Variants in METTL23 observed in about 807,000 individuals in gnomAD.
METTL23 encodes the protein methyltransferase 23, arginine.
A neutral mutation model predicts 21.2 loss-of-function variants in METTL23; 24 were observed. That is an observed-to-expected ratio of 1.13 (90% CI 0.82 to 1.59). METTL23 has a LOEUF of 1.59. Ranked by LOEUF, METTL23 falls within the 40% of genes most tolerant of loss-of-function variation. The probability of loss-of-function intolerance (pLI) is 0.00; values close to 1 mark genes in which losing one functional copy is unlikely to be tolerated. For missense variants in METTL23, 276 were observed against 221.4 expected, an observed-to-expected ratio of 1.25 and a Z score of -1.57; for synonymous variants, 97 against 75.2, an observed-to-expected ratio of 1.29 and a Z score of -1.50.
intron 2 of METTL23, among the ~76,000 whole-genome samples, chr17:76,730,236 C>T (rs1234051000): frequency 3.3e-5 from 5 of 150,506 alleles, no homozygotes; most frequent in Non-Finnish European, 7.4e-5. Flanking sequence ...TTACAGTGAG[C>T]AAAGATCGCA....
intron 2 of METTL23, 109 bp downstream of exon 2, chr17:76,729,903 T>A: frequency 2.5e-6 from 2 of 789,634 alleles, no homozygotes; most frequent in Non-Finnish European, 4.2e-6. Context: ...TTAAATCGGG[T>A]AATTTAGCTA....
At position 76,733,189 on chromosome 17, in the gene METTL23, C is replaced by G; in HGVS notation, c.296C>G (p.Ala99Gly). 6.2e-7 allele frequency: 1 copy of G among 1,613,898 alleles called. No individual in the cohort carries two copies. Among genetic ancestry groups the G allele is most frequent in the Non-Finnish European group, 8.5e-7 (1 of 1,179,820 alleles). The change falls in exon 3 of 5, where the codon GCA becomes GGA. Residue 99 changes from alanine to glycine, a missense_variant. By Grantham distance (60) the Ala-to-Gly change is moderately conservative. Transcript: ENST00000341249. ...LALPPQDIILASDVFFEPEDF... is the reference protein window; with the variant it reads ...LALPPQDIILGSDVFFEPEDF... ...CTACCACCACAAGATATTATCCTTG[C>G]ATCTGATGTGTTCTTTGAACCAGAA...
intron 1 of METTL23, among the ~76,000 whole-genome samples, chr17:76,728,416 T>TTTTTTTTTTTTTTTG (rs1568008567): frequency 3.9e-4 from 2 of 5,190 alleles, no homozygotes; most frequent in African/African-American, 7.0e-4. Context: ...TCACGGATTT[T>TTTTTTTTTTTTTTTG]TTTTTTTTTT....
chr17:76,733,506 C>CTTT lies in METTL23; in HGVS notation c.408-6_408-4dup. 8.0e-7 allele frequency: 1 copy of CTTT among 1,255,764 alleles called. No homozygotes were observed. The highest frequency in any genetic ancestry group is 1.1e-6 in the Non-Finnish European group (1 of 906,024). The allele number at this position is 1,255,764 out of a possible 1,614,324, so 77.8% of individuals were successfully genotyped here. A position where few individuals can be genotyped will look rare whatever the true frequency, so the allele number is the denominator to read the frequency against. The stretch of plus-strand genomic sequence containing the variant: ...AAAAGGCATGACTTTAAAAGAACAA[C>CTTT]TTTTTTTTTTTAAGTGCTGACTGGT... On this transcript the variant is annotated splice_polypyrimidine_tract_variant and intron_variant, in intron 4 of 4. Coordinates refer to ENST00000341249, the MANE Select transcript of METTL23 (RefSeq NM_001080510.5).
chr17:76,733,744 A>G lies in METTL23; in HGVS notation c.*58A>G. On this transcript the variant is annotated 3_prime_UTR_variant, in exon 5 of 5. Transcript: ENST00000341249. ...AATACTGATGAGCAACCTGGCACAC[A>G]AACTATGAGCAGACCACTTCAGCTT... 6.7e-7 allele frequency: 1 copy of G among 1,496,154 alleles called. No homozygotes were observed. The highest frequency in any genetic ancestry group is 9.1e-7 in the Non-Finnish European group (1 of 1,101,628). 92.7% of individuals were successfully genotyped at this position (1,496,154 alleles called of 1,614,324 possible). A position where few individuals can be genotyped will look rare whatever the true frequency, so the allele number is the denominator to read the frequency against.
chr17:76,732,731 C>T (rs1188544277), intron 2 of METTL23: 16 of 539,982 alleles, frequency 3.0e-5, no homozygotes, highest in South Asian at 8.8e-5. Flanking sequence ...CTGCCAGTTA[C>T]GATACATGGC....
At chr17:76,726,210 C>G, upstream of METTL23, 1 of 1,243,750 alleles carries the variant, frequency 8.0e-7, no homozygotes, top group South Asian at 1.7e-5. Context: ...TCGGGGACCC[C>G]AAACTCCGCG....
Position 76,727,039 on chromosome 17 carries a change from C to T in METTL23, c.-161C>T, listed in dbSNP as rs956519744. The T allele has an allele frequency of 4.4e-6, 2 of 454,982 alleles. No homozygotes were observed. Among genetic ancestry groups the T allele is most frequent in the Non-Finnish European group, 8.8e-6 (2 of 226,184 alleles). The allele number at this position is 454,982 out of a possible 1,614,324, so 28.2% of individuals were successfully genotyped here. On this transcript the variant is annotated 5_prime_UTR_variant, in exon 1 of 5. Coordinates refer to ENST00000341249, the MANE Select transcript of METTL23 (RefSeq NM_001080510.5). ...GCAGCCCGGAGCCTTCCGCGGTCCCCCGCCCGCCCGGGGCCCAACGACGCC... is the reference window on the plus strand; with the variant it reads ...GCAGCCCGGAGCCTTCCGCGGTCCCTCGCCCGCCCGGGGCCCAACGACGCC...
At position 76,733,206 on chromosome 17, in the gene METTL23, G is replaced by A; in HGVS notation, c.313G>A (p.Glu105Lys). The change falls in exon 3 of 5, where the codon GAA becomes AAA. Residue 105 changes from glutamate to lysine, a missense_variant. Glu to Lys is a moderately conservative substitution (Grantham distance 56). Transcript: ENST00000341249. ...DIILASDVFF[E>K]PEDFEDILAT... ...TATCCTTGCATCTGATGTGTTCTTTGAACCAGAAGGTAAGCTTTTTTGGCT... is the reference window on the plus strand; with the variant it reads ...TATCCTTGCATCTGATGTGTTCTTTAAACCAGAAGGTAAGCTTTTTTGGCT... The A allele has an allele frequency of 1.9e-6, 3 of 1,613,598 alleles. No individual in the cohort carries two copies. Among genetic ancestry groups the A allele is most frequent in the Non-Finnish European group, 2.5e-6 (3 of 1,179,650 alleles).
intron 1 of METTL23, chr17:76,727,463 G>C (rs879513658): frequency 9.5e-6 from 2 of 210,284 alleles, no homozygotes; most frequent in Non-Finnish European, 2.0e-5. Context: ...GCCTCCCAAA[G>C]TGCTAGGATT....
At chr17:76,730,900 G>A (rs924557354) in intron 2 of METTL23, among the ~76,000 whole-genome samples, 2 of 152,042 alleles carry the variant, frequency 1.3e-5, no homozygotes, top group Non-Finnish European at 1.5e-5. Context: ...TCAGGAGATC[G>A]AGACCATCCT....
chr17:76,727,434 A>T (rs2076991075), intron 1 of METTL23: 2 of 227,942 alleles, frequency 8.8e-6, no homozygotes, highest in African/African-American at 4.7e-5. Flanking sequence ...CTGTAAGCTT[A>T]AGTGATCCTC....
chr17:76,726,388 T>G, upstream of METTL23: 1 of 1,604,042 alleles, frequency 6.2e-7, no homozygotes, highest in East Asian at 2.3e-5. Context: ...TCGTAGTAGT[T>G]GTGCCGGGTC....
At chr17:76,726,565 A>ACGG (rs2076943496), upstream of METTL23, 4 of 1,471,874 alleles carry the variant, frequency 2.7e-6, no homozygotes, top group African/African-American at 4.4e-5. Context: ...GGCGGCGGCG[A>ACGG]CGGCAGTACC....
intron 2 of METTL23, chr17:76,732,759 G>A: frequency 1.7e-6 from 1 of 581,316 alleles, no homozygotes; most frequent in Non-Finnish European, 3.1e-6. Context: ...TATTGAAATT[G>A]AAGGTTAAGC....
At chr17:76,729,410 C>G (rs141077000) in intron 1 of METTL23, among the ~76,000 whole-genome samples, 129 of 152,224 alleles carry the variant, frequency 8.5e-4, no homozygotes, top group Admixed American at 3.9e-3. Flanking sequence ...TTTGCTTGCT[C>G]GTTGCCTCTC....
In METTL23 at chr17:76,727,041, G is replaced by A. The variant is rs1196513860; in HGVS notation, c.-159G>A. ...AGCCCGGAGCCTTCCGCGGTCCCCC[G>A]CCCGCCCGGGGCCCAACGACGCCCT... is the stretch of plus-strand genomic sequence containing the variant. On this transcript the variant is annotated 5_prime_UTR_variant, in exon 1 of 5. Transcript: ENST00000341249. The A allele has an allele frequency of 2.2e-6, 1 of 454,990 alleles. No individual in the cohort carries two copies. The highest frequency in any genetic ancestry group is 3.6e-4 in the Middle Eastern group (1 of 2,766). The allele number at this position is 454,990 out of a possible 1,614,324, so 28.2% of individuals were successfully genotyped here. A position where few individuals can be genotyped will look rare whatever the true frequency, so the allele number is the denominator to read the frequency against.
upstream of METTL23, chr17:76,726,543 C>G (rs767945332): frequency 1.3e-6 from 2 of 1,513,858 alleles, no homozygotes; most frequent in Non-Finnish European, 1.8e-6. Context: ...TAACGCACCC[C>G]TCCCCGGCCT....
rs774908903 is a variant in METTL23 at position 76,733,613 on chromosome 17, T to G, written c.500T>G (p.Ile167Arg). Residue 167 changes from isoleucine to arginine, a missense_variant, in exon 5 of 5, where the codon ATA becomes AGA. Ile to Arg is a moderately conservative substitution (Grantham distance 97, BLOSUM62 -3). Coordinates refer to ENST00000341249, the MANE Select transcript of METTL23 (RefSeq NM_001080510.5). ...TCTTTTGATGCAGACAAAGAAGATATAGCAGAATCTACCCTTCCAGGAAGA... is the reference window on the plus strand; with the variant it reads ...TCTTTTGATGCAGACAAAGAAGATAGAGCAGAATCTACCCTTCCAGGAAGA... Reference protein sequence around the residue: ...LESFDADKEDIAESTLPGRHT... With the variant: ...LESFDADKEDRAESTLPGRHT... 1 of 1,613,884 alleles carries G rather than the reference T, an allele frequency of 6.2e-7. No individual in the cohort carries two copies.
Sources: gnomAD v4.1 joint callset for allele counts (sites outside exome capture counted in the v4.1 genomes callset) on GRCh38, gnomAD v4.1.1 for gene constraint, MANE v1.5 for transcripts, NCBI Gene and HGNC (gene_info 2026-07-23, HGNC 2026-07-21) for gene names.